PPP3CB: variants seen among roughly 807,000 people sequenced by gnomAD.
The protein encoded by PPP3CB is serine/threonine-protein phosphatase 2B catalytic subunit beta isoform.
In PPP3CB, 8 loss-of-function variants were observed where a neutral mutation model predicts 66.4. The observed-to-expected ratio is 0.12, with a 90% confidence interval of 0.07 to 0.22. PPP3CB has a LOEUF of 0.22. Among genes scored for constraint, PPP3CB ranks in the 10% least tolerant of loss-of-function variants. PPP3CB has a pLI of 1.00. For missense variants in PPP3CB, 319 were observed against 642.5 expected (o/e 0.50, Z 5.44); for synonymous variants, 208 against 221.2 (o/e 0.94, Z 0.53).
chr10:73,459,314 T>C (rs1379240017), intron 9 of PPP3CB, among the ~76,000 whole-genome samples: 1 of 151,864 alleles, frequency 6.6e-6, no homozygotes, highest in African/African-American at 2.4e-5. Context: ...AGTGAAACCC[T>C]GTCTCTACTA....
chr10:73,450,447 C>G (rs979001762), intron 10 of PPP3CB, among the ~76,000 whole-genome samples: 1 of 152,204 alleles, frequency 6.6e-6, no homozygotes, highest in Non-Finnish European at 1.5e-5. Context: ...TAGTATCTAT[C>G]CGAATCTCCT....
intron 4 of PPP3CB, among the ~76,000 whole-genome samples, chr10:73,472,235 C>T (rs2056713122): frequency 6.6e-6 from 1 of 152,202 alleles, no homozygotes; most frequent in South Asian, 2.1e-4. Flanking sequence ...TGGCTCACGC[C>T]TGTAATCCCA....
intron 12 of PPP3CB, among the ~76,000 whole-genome samples, chr10:73,440,621 T>C (rs2056128489): frequency 6.6e-6 from 1 of 152,198 alleles, no homozygotes; most frequent in Non-Finnish European, 1.5e-5. Flanking sequence ...CTACAGATAC[T>C]AACATCTATA....
chr10:73,481,358 G>C (rs189514357), intron 1 of PPP3CB, among the ~76,000 whole-genome samples: 6 of 151,422 alleles, frequency 4.0e-5, no homozygotes, highest in Admixed American at 3.9e-4. Context: ...TGTAGTCCCA[G>C]CTACTCAAGA....
intron 1 of PPP3CB, among the ~76,000 whole-genome samples, chr10:73,483,976 G>C (rs565644092): frequency 6.6e-6 from 1 of 151,496 alleles, no homozygotes; most frequent in Non-Finnish European, 1.5e-5. Flanking sequence ...AAACCCCATC[G>C]CTACTAAAAA....
At chr10:73,492,919 T>C (rs1275647238) in intron 1 of PPP3CB, among the ~76,000 whole-genome samples, 1 of 152,164 alleles carries the variant, frequency 6.6e-6, no homozygotes, top group Admixed American at 6.5e-5. Context: ...AAAACCTACA[T>C]GACCATAAAA....
intron 4 of PPP3CB, among the ~76,000 whole-genome samples, chr10:73,473,961 T>C (rs2056743869): frequency 1.3e-5 from 2 of 152,220 alleles, no homozygotes; most frequent in Admixed American, 1.3e-4. Context: ...CAGGAATGCC[T>C]CAAGATTGAA....
intron 4 of PPP3CB, 96 bp from the exon 5 acceptor site, chr10:73,471,709 C>T (rs1460313221): frequency 6.2e-6 from 6 of 960,244 alleles, no homozygotes; most frequent in Non-Finnish European, 7.6e-6. Context: ...TTGTTCTCTC[C>T]CCTCCTTTAT....
At chr10:73,463,331 A>G (rs1180031896) in intron 9 of PPP3CB, among the ~76,000 whole-genome samples, 1 of 152,180 alleles carries the variant, frequency 6.6e-6, no homozygotes. Flanking sequence ...TAATTTTTCT[A>G]AATGACGACC....
At chr10:73,485,908 TTGTGTGTGTGTGTGTGTGTGTG>T (rs57190155) in intron 1 of PPP3CB, among the ~76,000 whole-genome samples, 29 of 121,328 alleles carry the variant, frequency 2.4e-4, no homozygotes, top group South Asian at 9.5e-4. Context: ...ACCTGGCTAA[TTGTGTGTGTGTGTGTGTGTGTG>T]TGTGTGTGTG....
At chr10:73,491,813 C>CA (rs2057082224) in intron 1 of PPP3CB, among the ~76,000 whole-genome samples, 1 of 151,828 alleles carries the variant, frequency 6.6e-6, no homozygotes, top group African/African-American at 2.4e-5. Flanking sequence ...ACTAAAAATA[C>CA]AAAATTAGCC....
chr10:73,458,391 C>A (rs1037059400), intron 9 of PPP3CB, among the ~76,000 whole-genome samples: 45 of 152,090 alleles, frequency 3.0e-4, no homozygotes, highest in African/African-American at 1.1e-3. Flanking sequence ...CCCGCCCCGG[C>A]CTCCCAAAAT....
chr10:73,470,891 C>A lies in PPP3CB; in HGVS notation c.883G>T (p.Ala295Ser). The part of the protein sequence containing the change: ...SIIRAHEAQD[A>S]GYRMYRKSQT... ...TCAGGGAAACAGAATTCTTACCCTG[C>A]ATCTTGAGCTTCATGAGCTCTAATA... Residue 295 changes from alanine to serine, a missense_variant, in exon 7 of 14, where the codon GCA (alanine) becomes TCA (serine). By Grantham distance (99) the Ala-to-Ser change is moderately conservative. Coordinates refer to ENST00000360663, the MANE Select transcript of PPP3CB (RefSeq NM_021132.4). 6.2e-7 allele frequency: 1 copy of A among 1,612,436 alleles called. No homozygotes were observed. Among genetic ancestry groups the A allele is most frequent in the South Asian group, 1.1e-5 (1 of 90,868 alleles).
Position 73,470,810 on chromosome 10 carries a change from G to A in PPP3CB, c.888-29C>T, listed in dbSNP as rs563423284. ...CAAAACAAATAGCTTAATATGCATC[G>A]TAAAGCATCAATCATGGTTACTAAG... On this transcript the variant is annotated intron_variant, in intron 7 of 13. Transcript: ENST00000360663. The A allele has an allele frequency of 6.1e-5, 96 of 1,583,856 alleles. 3 individuals carry two copies. The South Asian group carries it at 8.2e-4, about 13-fold the overall frequency.
intron 12 of PPP3CB, among the ~76,000 whole-genome samples, chr10:73,442,421 A>G (rs1187431334): frequency 3.3e-5 from 5 of 152,240 alleles, no homozygotes; most frequent in Non-Finnish European, 5.9e-5. Context: ...CTGCGGATAC[A>G]ATATAAAAGT....
intron 13 of PPP3CB, 103 bp from the exon 14 acceptor site, chr10:73,438,523 AGT>A: frequency 3.1e-6 from 3 of 976,362 alleles, no homozygotes; most frequent in Non-Finnish European, 4.7e-6. Flanking sequence ...AGTAGCTGTA[AGT>A]AGCAACACAT....
chr10:73,475,985 C>G (rs112343342), intron 3 of PPP3CB, among the ~76,000 whole-genome samples: 2 of 151,884 alleles, frequency 1.3e-5, no homozygotes, highest in African/African-American at 4.8e-5. Context: ...GTCTCTTGAG[C>G]AGCTGGGACT....
At chr10:73,488,541 G>A (rs2057024363) in intron 1 of PPP3CB, among the ~76,000 whole-genome samples, 1 of 134,270 alleles carries the variant, frequency 7.4e-6, no homozygotes, top group African/African-American at 2.8e-5. Context: ...GCAAGATCCT[G>A]TCTTGAGGGT....
chr10:73,457,260 G>GAAAAAAAAAAAAAAAAA (rs35129439), intron 9 of PPP3CB, among the ~76,000 whole-genome samples: 1 of 69,030 alleles, frequency 1.4e-5, no homozygotes. Context: ...CTCTAAAAAA[G>GAAAAAAAAAAAAAAAAA]AAAAAAAAAA....
Sources: gnomAD v4.1 joint callset for allele counts (sites outside exome capture counted in the v4.1 genomes callset) on GRCh38, gnomAD v4.1.1 for gene constraint, MANE v1.5 for transcripts, NCBI Gene and HGNC (gene_info 2026-07-23, HGNC 2026-07-21) for gene names.